Variants in DNAJA3 observed in about 807,000 individuals in gnomAD.
The protein encoded by DNAJA3 is dnaJ homolog subfamily A member 3, mitochondrial.
In DNAJA3, 29 loss-of-function variants were observed where a neutral mutation model predicts 54.9. The ratio of observed to expected loss-of-function variants is 0.53; its 90% CI spans 0.39 to 0.72. DNAJA3 has a LOEUF of 0.72. Among genes scored for constraint, DNAJA3 ranks in the 30% least tolerant of loss-of-function variants. The probability of loss-of-function intolerance (pLI) is 0.00; values close to 1 mark genes in which losing one functional copy is unlikely to be tolerated. For synonymous variants in DNAJA3, 302 were observed against 251.4 expected (o/e 1.20, Z -1.90); for missense variants, 708 against 639.4 (o/e 1.11, Z -1.16).
intron 2 of DNAJA3, among the ~76,000 whole-genome samples, chr16:4,435,179 C>T (rs1023947366): frequency 2.6e-5 from 4 of 152,000 alleles, no homozygotes; most frequent in Admixed American, 6.6e-5. Flanking sequence ...GGATTACAGG[C>T]GTGAGCCACC....
intron 10 of DNAJA3, among the ~76,000 whole-genome samples, chr16:4,452,331 CCCT>C (rs1404857365): frequency 6.6e-6 from 1 of 152,124 alleles, no homozygotes; most frequent in Non-Finnish European, 1.5e-5. Context: ...AGCTGTCCTT[CCCT>C]CCTCCCGCCC....
chr16:4,434,927 C>G (rs539028185), intron 2 of DNAJA3, among the ~76,000 whole-genome samples: 1 of 115,964 alleles, frequency 8.6e-6, no homozygotes, highest in African/African-American at 3.5e-5. Context: ...GATGGAGTCT[C>G]ACTCCATTGC....
intron 9 of DNAJA3, among the ~76,000 whole-genome samples, chr16:4,449,265 G>C (rs2056947584): frequency 1.3e-5 from 2 of 152,214 alleles, no homozygotes; most frequent in Admixed American, 1.3e-4. Flanking sequence ...CAAAGTGTTG[G>C]GATTACAGGC....
chr16:4,452,151 G>T (rs1337616550), intron 10 of DNAJA3, among the ~76,000 whole-genome samples: 1 of 152,076 alleles, frequency 6.6e-6, no homozygotes, highest in Admixed American at 6.5e-5. Flanking sequence ...TTAATGGTTT[G>T]GTACATATAC....
chr16:4,442,581 C>G lies in DNAJA3; in HGVS notation c.783+161C>G. ...GTGACCCTGAGGAGACGAGCCTGTG[C>G]TCCTCTTTCCCTGATACCACAGGCT... On this transcript the variant is annotated intron_variant, in intron 5 of 11. Coordinates refer to ENST00000262375, the MANE Select transcript of DNAJA3 (RefSeq NM_005147.6). 4.8e-6 allele frequency: 4 copies of G among 835,252 alleles called. No individual in the cohort carries two copies. The South Asian group carries it at 1.0e-4, about 21-fold the overall frequency. The allele number at this position is 835,252 out of a possible 1,614,324, so 51.7% of individuals were successfully genotyped here. A position where few individuals can be genotyped will look rare whatever the true frequency, so the allele number is the denominator to read the frequency against.
chr16:4,429,122 C>T (rs186547674), intron 1 of DNAJA3, among the ~76,000 whole-genome samples: 198 of 151,882 alleles, frequency 1.3e-3, no homozygotes, highest in African/African-American at 4.5e-3. Context: ...CTCCTGACCT[C>T]GTGATCCACC....
intron 1 of DNAJA3, among the ~76,000 whole-genome samples, chr16:4,432,698 T>G (rs1313520286): frequency 6.6e-6 from 1 of 151,962 alleles, no homozygotes; most frequent in African/African-American, 2.4e-5. Flanking sequence ...AGTCTGGGCG[T>G]GGTGGCACAC....
At position 4,432,324 on chromosome 16, in the gene DNAJA3, T is replaced by A. The variant is rs533336449; in HGVS notation, c.212-2060T>A. Among the ~76,000 whole-genome samples, 28 of 116,878 alleles carry A rather than the reference T, an allele frequency of 2.4e-4. No homozygotes were observed. In the East Asian group the frequency reaches 7.4e-3, roughly 31 times the overall value. 76.7% of individuals were successfully genotyped at this position (116,878 alleles called of 152,430 possible). A position where few individuals can be genotyped will look rare whatever the true frequency, so the allele number is the denominator to read the frequency against. ...AGGCGAGAGCCACTGTGCCCAGGCT[T>A]ATTTTTCTTTCTTTTTTTTTTTCTT... On this transcript the variant is annotated intron_variant, in intron 1 of 11. Transcript: ENST00000262375.
At chr16:4,427,739 A>G (rs1278373301) in intron 1 of DNAJA3, among the ~76,000 whole-genome samples, 2 of 152,172 alleles carry the variant, frequency 1.3e-5, no homozygotes, top group Non-Finnish European at 2.9e-5. Context: ...CACAATTACA[A>G]CTCAGTGCAA....
At chr16:4,451,069 T>C (rs1448945154) in intron 10 of DNAJA3, among the ~76,000 whole-genome samples, 3 of 152,102 alleles carry the variant, frequency 2.0e-5, no homozygotes, top group Non-Finnish European at 2.9e-5. Flanking sequence ...CGAGTGGCTG[T>C]GTTAGGGATC....
At chr16:4,445,295 G>A (rs2056890036) in intron 7 of DNAJA3, among the ~76,000 whole-genome samples, 1 of 152,226 alleles carries the variant, frequency 6.6e-6, no homozygotes, top group African/African-American at 2.4e-5. Flanking sequence ...CGGAAGGAAA[G>A]AATGAGAGCT....
At chr16:4,443,844 A>G (rs759525977) in intron 6 of DNAJA3, among the ~76,000 whole-genome samples, 4 of 151,252 alleles carry the variant, frequency 2.6e-5, no homozygotes, top group African/African-American at 7.3e-5. Flanking sequence ...CTGCCACCAC[A>G]CCCAGCTAAT....
intron 3 of DNAJA3, 39 bp downstream of exon 3, chr16:4,437,524 C>T (rs776490040): frequency 1.3e-6 from 2 of 1,559,166 alleles, no homozygotes; most frequent in Non-Finnish European, 1.8e-6. Context: ...TGCTGTTCAG[C>T]TATGTGTATG....
intron 8 of DNAJA3, among the ~76,000 whole-genome samples, 156 bp from the exon 9 acceptor site, chr16:4,448,577 C>T (rs948278318): frequency 2.6e-5 from 4 of 152,130 alleles, no homozygotes; most frequent in African/African-American, 4.8e-5. Context: ...CTCCTGACCT[C>T]GTGATCAGCC....
chr16:4,428,217 C>G (rs1358478647), intron 1 of DNAJA3, among the ~76,000 whole-genome samples: 4 of 152,142 alleles, frequency 2.6e-5, no homozygotes, highest in African/African-American at 9.7e-5. Context: ...TCCCAAAGTG[C>G]TGGAATTACA....
chr16:4,450,591 C>T (rs1017913324), intron 10 of DNAJA3, 94 bp downstream of exon 10: 8 of 973,414 alleles, frequency 8.2e-6, no homozygotes, highest in African/African-American at 3.3e-5. Context: ...GTTTCCACTT[C>T]GGGTTCTTCA....
At chr16:4,435,431 A>T (rs2056761964) in intron 2 of DNAJA3, among the ~76,000 whole-genome samples, 1 of 152,194 alleles carries the variant, frequency 6.6e-6, no homozygotes. Flanking sequence ...AGTCAACTTT[A>T]GGACATTTTC....
intron 6 of DNAJA3, among the ~76,000 whole-genome samples, chr16:4,443,916 G>C (rs932678108): frequency 6.6e-6 from 1 of 152,204 alleles, no homozygotes; most frequent in Non-Finnish European, 1.5e-5. Context: ...TCGATCTCCT[G>C]ACCTCGTGAT....
intron 9 of DNAJA3, 109 bp from the exon 10 acceptor site, chr16:4,450,291 A>G (rs1405684618): frequency 1.2e-6 from 1 of 817,332 alleles, no homozygotes; most frequent in Non-Finnish European, 1.9e-6. Flanking sequence ...CGCCCCTGCC[A>G]AGGTTGGGTC....
Sources: allele counts gnomAD v4.1 joint callset (sites outside exome capture counted in the v4.1 genomes callset), GRCh38; gene constraint gnomAD v4.1.1; transcripts MANE v1.5; gene names NCBI Gene and HGNC (gene_info 2026-07-23, HGNC 2026-07-21).